POGLUT1: variants seen among roughly 807,000 people sequenced by gnomAD.
The protein encoded by POGLUT1 is protein O-glucosyltransferase 1, also known as 9630046K23Rik.
Under a neutral mutation model 61.3 loss-of-function variants are expected in POGLUT1, and 32 were observed. The ratio of observed to expected loss-of-function variants is 0.52; its 90% CI spans 0.39 to 0.70. The LOEUF (loss-of-function observed/expected upper bound fraction) is 0.70. Ranked by LOEUF, POGLUT1 falls within the 30% of genes least tolerant of loss-of-function variation. The pLI is 0.00. For synonymous variants in POGLUT1, 158 were observed against 158.2 expected, an observed-to-expected ratio of 1.00 and a Z score of 0.01; for missense variants, 411 against 469.8, an observed-to-expected ratio of 0.87 and a Z score of 1.16.
intron 8 of POGLUT1, 153 bp from the exon 9 acceptor site, chr3:119,490,398 G>A (rs956011230): frequency 5.8e-6 from 4 of 686,790 alleles, no homozygotes; most frequent in Non-Finnish European, 1.0e-5. Flanking sequence ...AAACCACTTA[G>A]GAACATATTA....
intron 5 of POGLUT1, among the ~76,000 whole-genome samples, chr3:119,482,901 G>C (rs879572989): frequency 6.6e-6 from 1 of 152,180 alleles, no homozygotes; most frequent in Non-Finnish European, 1.5e-5. Context: ...GCACCAGGCT[G>C]TGGTGGCCAC....
intron 2 of POGLUT1, among the ~76,000 whole-genome samples, chr3:119,470,437 A>G (rs989082545): frequency 1.3e-5 from 2 of 152,162 alleles, no homozygotes; most frequent in Non-Finnish European, 2.9e-5. Context: ...TTAGCTGGGC[A>G]TGATGGCACG....
chr3:119,475,585 G>A (rs1351356102), intron 3 of POGLUT1, among the ~76,000 whole-genome samples: 2 of 152,102 alleles, frequency 1.3e-5, no homozygotes, highest in Non-Finnish European at 2.9e-5. Flanking sequence ...GGCTGAGACA[G>A]GCAGATCATC....
intron 5 of POGLUT1, among the ~76,000 whole-genome samples, chr3:119,484,061 T>C (rs2081636530): frequency 6.6e-6 from 1 of 152,122 alleles, no homozygotes; most frequent in African/African-American, 2.4e-5. Flanking sequence ...TCCAGTGCTA[T>C]AGTGTCTCTG....
chr3:119,484,221 T>C (rs1373747778), intron 5 of POGLUT1, among the ~76,000 whole-genome samples: 1 of 152,122 alleles, frequency 6.6e-6, no homozygotes, highest in Non-Finnish European at 1.5e-5. Flanking sequence ...TGAGCAGCGT[T>C]CTCAGCTGAG....
At chr3:119,490,854 T>C in intron 9 of POGLUT1, 136 bp downstream of exon 9, 1 of 720,156 alleles carries the variant, frequency 1.4e-6, no homozygotes, top group African/African-American at 1.8e-5. Flanking sequence ...TTTTTTCCTC[T>C]TGGTTTGCAT....
At position 119,477,256 on chromosome 3, in the gene POGLUT1, T is replaced by G. The variant is rs1433294135; in HGVS notation, c.321-57T>G. On this transcript the variant is annotated intron_variant, in intron 3 of 10. Transcript: ENST00000295588. The stretch of plus-strand genomic sequence containing the variant: ...TTTAAAATGTGAATGGGACCTCGCC[T>G]TGTCCTAGAGCCTGCAGGCACTACT... 20 of 1,573,168 alleles carry G rather than the reference T, an allele frequency of 1.3e-5. No homozygotes were observed. In the East Asian group the frequency reaches 4.3e-4, roughly 34 times the overall value.
In POGLUT1 at chr3:119,477,310, C is replaced by T; in HGVS notation, c.321-3C>T. On this transcript the variant is annotated splice_polypyrimidine_tract_variant and splice_region_variant and intron_variant, in intron 3 of 10. Transcript: ENST00000295588. The stretch of plus-strand genomic sequence containing the variant: ...CTGAATTTATGGTATGTCTGGTTGA[C>T]AGGTGTAGTGGTGTTGAGCACTTTA... The T allele has an allele frequency of 6.2e-7, 1 of 1,613,498 alleles. No individual in the cohort carries two copies. Among genetic ancestry groups the T allele is most frequent in the South Asian group, 1.1e-5 (1 of 90,768 alleles).
Position 119,477,400 on chromosome 3 carries a change from G to A in POGLUT1, c.408G>A (p.Gln136=), listed in dbSNP as rs1421323276. The change falls in exon 4 of 11, where the codon CAG becomes CAA. Residue 136 remains glutamine (Q), a synonymous_variant. Coordinates refer to ENST00000295588, the MANE Select transcript of POGLUT1 (RefSeq NM_152305.3). ...EMVINVRDYP[Q]VPKWMEPAIP... ...TGATCAATGTACGAGATTATCCTCAGGTTCCTAAATGGATGGAGCCTGCCA... is the reference window on the plus strand; with the variant it reads ...TGATCAATGTACGAGATTATCCTCAAGTTCCTAAATGGATGGAGCCTGCCA... 2.5e-6 allele frequency: 4 copies of A among 1,614,056 alleles called. No homozygotes were observed. Among genetic ancestry groups the A allele is most frequent in the Non-Finnish European group, 3.4e-6 (4 of 1,180,012 alleles).
At chr3:119,477,759 G>T (rs1427998053) in intron 4 of POGLUT1, among the ~76,000 whole-genome samples, 5 of 152,216 alleles carry the variant, frequency 3.3e-5, no homozygotes, top group Non-Finnish European at 7.3e-5. Flanking sequence ...AGCATGGGAG[G>T]AAGGGGTCCA....
intron 1 of POGLUT1, 121 bp downstream of exon 1, chr3:119,469,227 GCAGAA>G (rs1201111022): frequency 2.6e-6 from 2 of 774,778 alleles, no homozygotes; most frequent in Non-Finnish European, 4.3e-6. Context: ...TCGGAGCTGG[GCAGAA>G]GGCACCGGGG....
intron 10 of POGLUT1, among the ~76,000 whole-genome samples, 176 bp downstream of exon 10, chr3:119,491,750 G>T (rs113527847): frequency 7.2e-5 from 11 of 152,278 alleles, no homozygotes; most frequent in Non-Finnish European, 1.6e-4. Context: ...GTCTACATAT[G>T]CTTGTTTTAA....
Position 119,488,928 on chromosome 3 carries a change from G to A in POGLUT1, c.739-1G>A. 1 of 1,572,986 alleles carries A rather than the reference G, an allele frequency of 6.4e-7. No individual in the cohort carries two copies. Among genetic ancestry groups the A allele is most frequent in the Non-Finnish European group, 8.7e-7 (1 of 1,144,636 alleles). On this transcript the variant is annotated splice_acceptor_variant, in intron 7 of 10. Transcript: ENST00000295588. LOFTEE classifies it high-confidence loss of function. ...ACTAATAACTTCCTTTCCACTTAAAGGATACCTTAGGAAAGCCAGCTGCTA... is the reference window on the plus strand; with the variant it reads ...ACTAATAACTTCCTTTCCACTTAAAAGATACCTTAGGAAAGCCAGCTGCTA...
chr3:119,478,405 A>G (rs761432487), intron 4 of POGLUT1: 16 of 456,638 alleles, frequency 3.5e-5, no homozygotes, highest in South Asian at 2.3e-4. Flanking sequence ...GTCTAGCCTC[A>G]TTTCTCGAAA....
intron 4 of POGLUT1, among the ~76,000 whole-genome samples, chr3:119,479,598 GC>G (rs1164060618): frequency 6.6e-6 from 1 of 152,154 alleles, no homozygotes; most frequent in Non-Finnish European, 1.5e-5. Context: ...CACATCAGGA[GC>G]CCACACTCTT....
chr3:119,480,353 A>T (rs566467779), intron 5 of POGLUT1, among the ~76,000 whole-genome samples, 181 bp downstream of exon 5: 1 of 151,580 alleles, frequency 6.6e-6, no homozygotes, highest in Non-Finnish European at 1.5e-5. Flanking sequence ...GGTTCAAGTG[A>T]TTCTCTTGCC....
chr3:119,487,029 G>A (rs1022266162), intron 7 of POGLUT1, 97 bp downstream of exon 7: 7 of 804,272 alleles, frequency 8.7e-6, no homozygotes, highest in Admixed American at 1.9e-5. Flanking sequence ...TTTCCTGTCA[G>A]TGGTGAGGTG....
chr3:119,484,528 C>T (rs959564068), intron 5 of POGLUT1, among the ~76,000 whole-genome samples: 1 of 152,218 alleles, frequency 6.6e-6, no homozygotes, highest in Non-Finnish European at 1.5e-5. Flanking sequence ...AGCACTTAGT[C>T]TGGCTTTAAG....
intron 5 of POGLUT1, among the ~76,000 whole-genome samples, chr3:119,484,581 A>G (rs2081644162): frequency 6.6e-6 from 1 of 152,208 alleles, no homozygotes; most frequent in African/African-American, 2.4e-5. Flanking sequence ...ATCTGATGAC[A>G]CTTCCCACCT....
Sources: allele counts gnomAD v4.1 joint callset (sites outside exome capture counted in the v4.1 genomes callset), GRCh38; gene constraint gnomAD v4.1.1; transcripts MANE v1.5; gene names NCBI Gene and HGNC (gene_info 2026-07-23, HGNC 2026-07-21).